Variants in CERKL observed in about 807,000 individuals in gnomAD.
CERKL encodes CERK like autophagy regulator, also known as ceramide kinase-like protein.
In CERKL, 61 loss-of-function variants were observed where a neutral mutation model predicts 63.4. That is an observed-to-expected ratio of 0.96 (90% CI 0.78 to 1.19). CERKL has a LOEUF of 1.19. Ranked by LOEUF, CERKL falls within the 50% of genes most tolerant of loss-of-function variation. CERKL has a pLI of 0.00. For synonymous variants in CERKL, 250 were observed against 230.5 expected, an observed-to-expected ratio of 1.08 and a Z score of -0.77; for missense variants, 675 against 655.5, an observed-to-expected ratio of 1.03 and a Z score of -0.33.
chr2:181,558,538 T>C lies in CERKL; in HGVS notation c.820+28A>G. The stretch of plus-strand genomic sequence containing the variant: ...AAAGGAAAAGAGGGAGAAGGGTCAG[T>C]TTAATGAATCTGTAGCCACTCCCTT... On this transcript the variant is annotated intron_variant, in intron 5 of 12. Coordinates refer to ENST00000410087, the MANE Select transcript of CERKL (RefSeq NM_201548.5). The surrounding 1 kb of genome is among the most constrained non-coding windows in gnomAD (Gnocchi z 4.2). 1 of 1,610,892 alleles carries C rather than the reference T, an allele frequency of 6.2e-7. No homozygotes were observed. The highest frequency in any genetic ancestry group is 1.1e-5 in the South Asian group (1 of 91,004).
rs755879269 is a variant in CERKL at position 181,604,033 on chromosome 2, G to A, written c.285C>T (p.Leu95=). Residue 95 remains leucine, a synonymous_variant, in exon 2 of 13, where the codon CTC becomes CTT. Coordinates refer to ENST00000410087, the MANE Select transcript of CERKL (RefSeq NM_201548.5). ...DLLCKEEFIE[L]KDIFSVKLKR... is the part of the protein sequence containing the mutation. ...TCAGTTTCACAGAGAATATGTCTTT[G>A]AGTTCAATAAATTCTTCTTTACATA... 2.7e-5 allele frequency: 43 copies of A among 1,608,044 alleles called. No homozygotes were observed. The highest frequency in any genetic ancestry group is 3.4e-5 in the Non-Finnish European group (40 of 1,175,398).
intron 1 of CERKL, among the ~76,000 whole-genome samples, chr2:181,631,505 C>T (rs1268664732): frequency 6.6e-6 from 1 of 152,018 alleles, no homozygotes; most frequent in Non-Finnish European, 1.5e-5. Context: ...ACCCCTCCAC[C>T]CCACCTTCCC....
chr2:181,604,081 T>C lies in CERKL; in HGVS notation c.239-2A>G, dbSNP rs776886395. 3 of 1,587,508 alleles carry C rather than the reference T, an allele frequency of 1.9e-6. No individual in the cohort carries two copies. The highest frequency in any genetic ancestry group is 4.5e-5 in the East Asian group (2 of 44,478). ...ATAGCAAGTCATACTTAGAATCACC[T>C]GAAAAAAAAATAAATTTTCCAATTA... On this transcript the variant is annotated splice_acceptor_variant, in intron 1 of 12. Coordinates refer to ENST00000410087, the MANE Select transcript of CERKL (RefSeq NM_201548.5). LOFTEE classifies it high-confidence loss of function.
rs376417165 is a variant in CERKL at position 181,621,522 on chromosome 2, T to C, written c.239-17443A>G. ...CTAAAATAAGCTAAATGTTTATACC[T>C]TGGCAGTCTACATAGATGGTAATTA... On this transcript the variant is annotated intron_variant, in intron 1 of 12. Transcript: ENST00000410087. Among the ~76,000 whole-genome samples the C allele has an allele frequency of 3.3e-5, 5 of 152,238 alleles. No individual in the cohort carries two copies. The East Asian group carries it at 7.7e-4, about 23-fold the overall frequency.
chr2:181,625,204 C>T (rs1000334709), intron 1 of CERKL, among the ~76,000 whole-genome samples: 4 of 152,176 alleles, frequency 2.6e-5, no homozygotes, highest in Non-Finnish European at 5.9e-5. Flanking sequence ...CATAGTGTGA[C>T]TACTTGTCAG....
At chr2:181,599,535 TCAAAA>T (rs60448862) in intron 2 of CERKL, among the ~76,000 whole-genome samples, 16 of 148,348 alleles carry the variant, frequency 1.1e-4, no homozygotes, top group South Asian at 6.3e-4. Context: ...AGACTCCATC[TCAAAA>T]CAAAACAAAA....
intron 10 of CERKL, among the ~76,000 whole-genome samples, chr2:181,547,206 A>C (rs535097932): frequency 6.6e-6 from 1 of 152,148 alleles, no homozygotes; most frequent in African/African-American, 2.4e-5. Flanking sequence ...AGCAGCATGA[A>C]AACAGACTAA....
Position 181,591,527 on chromosome 2 carries a change from A to G in CERKL, c.481+12310T>C, listed in dbSNP as rs955436806. Among the ~76,000 whole-genome samples the G allele has an allele frequency of 2.0e-5, 3 of 152,280 alleles. No homozygotes were observed. The South Asian group carries it at 6.2e-4, about 32-fold the overall frequency. On this transcript the variant is annotated intron_variant, in intron 2 of 12. Coordinates refer to ENST00000410087, the MANE Select transcript of CERKL (RefSeq NM_201548.5). ...ATATATACTTTCAGTCTAGGGGCCA[A>G]AAAAAGAGCTGCCAATAAATCTTGA...
intron 10 of CERKL, among the ~76,000 whole-genome samples, chr2:181,545,740 T>G (rs1687700017): frequency 6.6e-6 from 1 of 152,106 alleles, no homozygotes; most frequent in African/African-American, 2.4e-5. Context: ...TCTTCCCAAT[T>G]AAAAATAAAC....
intron 5 of CERKL, among the ~76,000 whole-genome samples, chr2:181,555,125 A>C (rs779864027): frequency 6.6e-6 from 1 of 152,212 alleles, no homozygotes; most frequent in Admixed American, 6.5e-5. Context: ...ATACTAAAAC[A>C]TAAGAATAAC....
At chr2:181,643,178 G>C (rs1687521703) in intron 1 of CERKL, among the ~76,000 whole-genome samples, 1 of 152,138 alleles carries the variant, frequency 6.6e-6, no homozygotes, top group African/African-American at 2.4e-5. Context: ...ATGCCTAAAG[G>C]CCATAGAAAT....
chr2:181,600,157 A>C (rs1685397525), intron 2 of CERKL, among the ~76,000 whole-genome samples: 1 of 152,222 alleles, frequency 6.6e-6, no homozygotes, highest in South Asian at 2.1e-4. Context: ...GAAAACACTA[A>C]GGGAATTTGT....
intron 1 of CERKL, among the ~76,000 whole-genome samples, chr2:181,614,353 T>C (rs1325269075): frequency 6.6e-6 from 1 of 152,228 alleles, no homozygotes; most frequent in East Asian, 1.9e-4. Flanking sequence ...ATACAAATAC[T>C]TATGGGAAAC....
intron 3 of CERKL, among the ~76,000 whole-genome samples, chr2:181,572,730 T>C (rs1457355276): frequency 2.0e-5 from 3 of 152,002 alleles, no homozygotes; most frequent in African/African-American, 7.2e-5. Context: ...CTCTCGAACC[T>C]CTATAGTTAT....
At chr2:181,623,623 T>A (rs548386441) in intron 1 of CERKL, among the ~76,000 whole-genome samples, 14 of 152,336 alleles carry the variant, frequency 9.2e-5, no homozygotes, top group African/African-American at 2.9e-4. Flanking sequence ...TAGACAGAGA[T>A]CTTCCTTGAC....
chr2:181,610,511 A>C (rs1472944085), intron 1 of CERKL, among the ~76,000 whole-genome samples: 1 of 152,234 alleles, frequency 6.6e-6, no homozygotes, highest in African/African-American at 2.4e-5. Flanking sequence ...CTTCAATAGG[A>C]GAATGGTTGA....
intron 1 of CERKL, among the ~76,000 whole-genome samples, chr2:181,616,295 G>T (rs912517355): frequency 2.8e-5 from 4 of 142,284 alleles, no homozygotes; most frequent in African/African-American, 1.1e-4. Context: ...CTCACTGCAA[G>T]CTCCGCCTCC....
At chr2:181,576,519 C>G (rs1559085797) in intron 2 of CERKL, among the ~76,000 whole-genome samples, 1 of 152,230 alleles carries the variant, frequency 6.6e-6, no homozygotes, top group Non-Finnish European at 1.5e-5. Flanking sequence ...CAGGGAAGGT[C>G]AGATCACCCT....
At chr2:181,606,821 C>T (rs1685739823) in intron 1 of CERKL, among the ~76,000 whole-genome samples, 1 of 152,104 alleles carries the variant, frequency 6.6e-6, no homozygotes, top group African/African-American at 2.4e-5. Flanking sequence ...AAAATCACCA[C>T]TTAATCAGAG....
Sources: gnomAD v4.1 joint callset for allele counts (sites outside exome capture counted in the v4.1 genomes callset) on GRCh38, gnomAD v4.1.1 for gene constraint, Gnocchi (gnomAD v3.1) non-coding constraint, MANE v1.5 for transcripts, NCBI Gene and HGNC (gene_info 2026-07-23, HGNC 2026-07-21) for gene names.